GRM8: variants seen among roughly 807,000 people sequenced by gnomAD.
GRM8 encodes the protein glutamate metabotropic receptor 8.
In GRM8, 47 loss-of-function variants were observed where a neutral mutation model predicts 87.2. That is an observed-to-expected ratio of 0.54 (90% CI 0.43 to 0.69). GRM8 has a LOEUF of 0.69. Among genes scored for constraint, GRM8 ranks in the 30% least tolerant of loss-of-function variants. GRM8 has a pLI of 0.00. For missense variants in GRM8, 1,019 were observed against 1,139.2 expected (o/e 0.89, Z 1.52); for synonymous variants, 396 against 404.5 (o/e 0.98, Z 0.25).
intron 9 of GRM8, among the ~76,000 whole-genome samples, chr7:126,517,932 C>T (rs760054121): frequency 5.9e-5 from 9 of 152,024 alleles, no homozygotes; most frequent in East Asian, 1.9e-4. Flanking sequence ...AAGAAAATTA[C>T]AGCTTTTCTT....
intron 2 of GRM8, among the ~76,000 whole-genome samples, chr7:127,187,631 A>G (rs1794809556): frequency 6.6e-6 from 1 of 152,090 alleles, no homozygotes; most frequent in Non-Finnish European, 1.5e-5. Flanking sequence ...CTCTCCTCTT[A>G]ATCACTAACT....
At chr7:126,917,442 A>G (rs1281695842) in intron 3 of GRM8, among the ~76,000 whole-genome samples, 1 of 152,096 alleles carries the variant, frequency 6.6e-6, no homozygotes, top group Non-Finnish European at 1.5e-5. Context: ...CTTTTCCTTA[A>G]TGAAAGATCT....
At chr7:126,894,950 T>C (rs1801404629) in intron 6 of GRM8, among the ~76,000 whole-genome samples, 1 of 152,090 alleles carries the variant, frequency 6.6e-6, no homozygotes, top group African/African-American at 2.4e-5. Flanking sequence ...TATTTACGAT[T>C]GACAGTACAG....
rs115452534 is a variant in GRM8, at chr7:126,673,744, T to C, written c.1358-64246A>G. On this transcript the variant is annotated intron_variant, in intron 7 of 10. Transcript: ENST00000339582. Reference sequence around the variant, plus strand: ...GAGTGTTTTAATCCCTCCTAATGTGTTGCTCCAAATTCTAACATTTAATAG... The same window carrying C: ...GAGTGTTTTAATCCCTCCTAATGTGCTGCTCCAAATTCTAACATTTAATAG... Among the ~76,000 whole-genome samples the C allele has an allele frequency of 7.3e-3, 1,117 of 152,316 alleles. 20 individuals are homozygous for C. The highest frequency in any genetic ancestry group is 0.025 in the African/African-American group (1,054 of 41,562).
chr7:126,753,028 C>A (rs1269608197), intron 7 of GRM8, among the ~76,000 whole-genome samples: 1 of 152,080 alleles, frequency 6.6e-6, no homozygotes, highest in African/African-American at 2.4e-5. Flanking sequence ...GATTAATAAT[C>A]TGTTCAATGA....
At chr7:127,035,375 G>C (rs1817755651) in intron 3 of GRM8, among the ~76,000 whole-genome samples, 1 of 152,122 alleles carries the variant, frequency 6.6e-6, no homozygotes, top group South Asian at 2.1e-4. Context: ...ATTTACTCAG[G>C]CCTGTGTAGT....
chr7:126,758,303 C>A (rs1817230936), intron 7 of GRM8, among the ~76,000 whole-genome samples: 4 of 152,106 alleles, frequency 2.6e-5, no homozygotes, highest in Admixed American at 2.6e-4. Flanking sequence ...TAAATGCTCA[C>A]AATAAAGCTA....
intron 8 of GRM8, among the ~76,000 whole-genome samples, chr7:126,561,470 A>T (rs1282679598): frequency 2.0e-5 from 3 of 150,624 alleles, no homozygotes; most frequent in South Asian, 4.2e-4. Flanking sequence ...CTCTGTTTCA[A>T]AAAAAAAAGG....
chr7:126,938,959 T>C (rs1806617098), intron 3 of GRM8, among the ~76,000 whole-genome samples: 1 of 152,180 alleles, frequency 6.6e-6, no homozygotes, highest in Non-Finnish European at 1.5e-5. Flanking sequence ...GCCTCAGCTG[T>C]CTGTGCTTCA....
At chr7:126,937,214 A>G (rs544267676) in intron 3 of GRM8, among the ~76,000 whole-genome samples, 1 of 152,296 alleles carries the variant, frequency 6.6e-6, no homozygotes, top group East Asian at 1.9e-4. Flanking sequence ...ATTCGAGCCT[A>G]TTGCTTCAGA....
At chr7:127,102,186 G>A (rs760385002) in intron 3 of GRM8, among the ~76,000 whole-genome samples, 2 of 152,226 alleles carry the variant, frequency 1.3e-5, no homozygotes, top group African/African-American at 4.8e-5. Flanking sequence ...AGATGTGGGA[G>A]CAAAGGAATG....
intron 6 of GRM8, among the ~76,000 whole-genome samples, chr7:126,771,160 T>C (rs1818804990): frequency 6.6e-6 from 1 of 152,112 alleles, no homozygotes; most frequent in Non-Finnish European, 1.5e-5. Flanking sequence ...ATTCAACAAA[T>C]ATTTGTTTTC....
chr7:126,643,319 A>AATATATAT (rs1198296006), intron 7 of GRM8, among the ~76,000 whole-genome samples: 57 of 36,150 alleles, frequency 1.6e-3, no homozygotes, highest in African/African-American at 5.6e-3. Context: ...AAAAAAAAAA[A>AATATATAT]ATATATATAT....
At chr7:127,143,730 T>C (rs1360492535) in intron 2 of GRM8, among the ~76,000 whole-genome samples, 1 of 152,026 alleles carries the variant, frequency 6.6e-6, no homozygotes, top group Non-Finnish European at 1.5e-5. Context: ...TTATTATATA[T>C]GGAAAAAAAT....
intron 6 of GRM8, among the ~76,000 whole-genome samples, chr7:126,795,194 A>C (rs995189417): frequency 1.5e-4 from 23 of 152,124 alleles, no homozygotes; most frequent in African/African-American, 5.6e-4. Context: ...TTGAGATTGA[A>C]AACAACTGAT....
intron 9 of GRM8, among the ~76,000 whole-genome samples, chr7:126,500,168 T>C (rs973569721): frequency 1.3e-5 from 2 of 151,932 alleles, no homozygotes; most frequent in African/African-American, 2.4e-5. Context: ...CACCAGAACC[T>C]AGTCCTCCTG....
intron 8 of GRM8, among the ~76,000 whole-genome samples, chr7:126,538,770 A>T (rs1816169190): frequency 6.6e-6 from 1 of 152,084 alleles, no homozygotes; most frequent in African/African-American, 2.4e-5. Context: ...TTACTCATTA[A>T]ATTTCATATA....
chr7:127,111,256 T>C (rs898554892), intron 2 of GRM8: 1 of 152,208 alleles, frequency 6.6e-6, no homozygotes, highest in Non-Finnish European at 1.5e-5. Context: ...ATATTGGACT[T>C]GCAAACTCTG....
intron 6 of GRM8, among the ~76,000 whole-genome samples, chr7:126,868,233 G>A (rs1484630402): frequency 6.6e-6 from 1 of 152,264 alleles, no homozygotes; most frequent in Non-Finnish European, 1.5e-5. Flanking sequence ...GAAGGGCATG[G>A]AAGGCTGGGA....
Sources: allele counts gnomAD v4.1 joint callset (sites outside exome capture counted in the v4.1 genomes callset), GRCh38; gene constraint gnomAD v4.1.1; transcripts MANE v1.5; gene names NCBI Gene and HGNC (gene_info 2026-07-23, HGNC 2026-07-21).